The following URB2 variants were observed in gnomAD, a reference collection of about 807,000 sequenced individuals.
URB2 encodes URB2 ribosome biogenesis homolog, also known as unhealthy ribosome biogenesis protein 2 homolog.
In URB2, 86 loss-of-function variants were observed where a neutral mutation model predicts 120.9. The observed-to-expected ratio is 0.71, with a 90% CI of 0.60 to 0.85. The LOEUF (loss-of-function observed/expected upper bound fraction) is 0.85. URB2 is among the 40% of genes least tolerant of loss of function. The pLI, the probability that URB2 is intolerant of heterozygous loss-of-function variation, is 0.00. For missense variants in URB2, 1,765 were observed against 1,836.5 expected (o/e 0.96, Z 0.71); for synonymous variants, 755 against 758.4 (o/e 1.00, Z 0.07).
rs1666066063 is a variant in URB2, at chr1:229,643,644, G to A, written c.3746G>A (p.Cys1249Tyr). Residue 1249 changes from cysteine to tyrosine, a missense_variant, in exon 5 of 10, where the codon TGT becomes TAT. By Grantham distance (194) the Cys-to-Tyr change is radical. Transcript: ENST00000258243. ...GAGGACTTGAGGCTGGTGATGCAGTGTATTCTCCAGGGACTGGATGTCAGT... is the reference window on the plus strand; with the variant it reads ...GAGGACTTGAGGCTGGTGATGCAGTATATTCTCCAGGGACTGGATGTCAGT... Reference protein sequence around the residue: ...TTEDLRLVMQCILQGLDVSNM... With the variant: ...TTEDLRLVMQYILQGLDVSNM... The A allele has an allele frequency of 6.2e-7, 1 of 1,614,088 alleles. No homozygotes were observed. The highest frequency in any genetic ancestry group is 8.5e-7 in the Non-Finnish European group (1 of 1,180,038).
At chr1:229,655,107 ACACT>A (rs1331232188) in intron 9 of URB2, among the ~76,000 whole-genome samples, 2 of 152,228 alleles carry the variant, frequency 1.3e-5, no homozygotes, top group Non-Finnish European at 2.9e-5. Context: ...CTGCTCTCAG[ACACT>A]CAAAGTCGAT....
At chr1:229,639,168 G>A (rs1041677211) in intron 4 of URB2, among the ~76,000 whole-genome samples, 12 of 151,966 alleles carry the variant, frequency 7.9e-5, no homozygotes, top group Admixed American at 3.9e-4. Flanking sequence ...GGTGGCATGC[G>A]TCTGTAGTCC....
chr1:229,652,773 G>A (rs955799089), intron 8 of URB2, among the ~76,000 whole-genome samples: 1 of 152,238 alleles, frequency 6.6e-6, no homozygotes, highest in Non-Finnish European at 1.5e-5. Context: ...GAAGGCCGGG[G>A]CCTTGCTCAG....
chr1:229,657,240 C>T (rs965253407), intron 9 of URB2, among the ~76,000 whole-genome samples: 4 of 152,158 alleles, frequency 2.6e-5, no homozygotes, highest in Admixed American at 2.0e-4. Context: ...GAAATTGACT[C>T]TTTTCTTGTT....
In URB2 at chr1:229,643,659, T is replaced by C. The variant is rs1303197107; in HGVS notation, c.3761T>C (p.Leu1254Pro). 2 of 1,614,046 alleles carry C rather than the reference T, an allele frequency of 1.2e-6. No individual in the cohort carries two copies. The highest frequency in any genetic ancestry group is 2.7e-5 in the African/African-American group (2 of 74,950). The change falls in exon 5 of 10, where the codon CTG (leucine) becomes CCG (proline). Residue 1254 changes from leucine (L) to proline (P), a missense_variant. By Grantham distance (98) the Leu-to-Pro change is moderately conservative. Transcript: ENST00000258243. ...GTGATGCAGTGTATTCTCCAGGGAC[T>C]GGATGTCAGTAACATGTGGAAAGCA... The part of the protein sequence containing the change: ...RLVMQCILQG[L>P]DVSNMWKADV...
chr1:229,636,470 G>A lies in URB2; in HGVS notation c.1857G>A (p.Met619Ile). 6.2e-7 allele frequency: 1 copy of A among 1,614,222 alleles called. No homozygotes were observed. The highest frequency in any genetic ancestry group is 1.1e-5 in the South Asian group (1 of 91,086). The change falls in exon 4 of 10, where the codon ATG (methionine) becomes ATA (isoleucine). Residue 619 changes from methionine to isoleucine, a missense_variant. Transcript: ENST00000258243. ...LSYTWAQVDA[M>I]FSLNCSQYHS... ...ACACTTGGGCCCAGGTGGACGCTAT[G>A]TTCAGTTTGAACTGTAGCCAGTATC...
At chr1:229,629,424 A>T (rs1665608006) in intron 2 of URB2, among the ~76,000 whole-genome samples, 1 of 152,204 alleles carries the variant, frequency 6.6e-6, no homozygotes, top group East Asian at 1.9e-4. Context: ...TATCTCAGAG[A>T]TACTGCAGGT....
Position 229,636,923 on chromosome 1 carries a change from A to T in URB2, c.2310A>T (p.Leu770Phe). The change falls in exon 4 of 10, where the codon TTA (leucine) becomes TTT (phenylalanine). Residue 770 changes from leucine to phenylalanine, a missense_variant. Coordinates refer to ENST00000258243, the MANE Select transcript of URB2 (RefSeq NM_014777.4). ...GYLASVLLRT[L>F]PMGKAQEVSI... is the part of the protein sequence containing the mutation. ...TGGCCAGTGTCCTGCTGAGAACTTT[A>T]CCCATGGGCAAAGCCCAGGAAGTCT... The T allele has an allele frequency of 6.2e-7, 1 of 1,613,050 alleles. No individual in the cohort carries two copies. Among genetic ancestry groups the T allele is most frequent in the Non-Finnish European group, 8.5e-7 (1 of 1,179,466 alleles).
Position 229,636,808 on chromosome 1 carries a change from G to A in URB2, c.2195G>A (p.Gly732Glu). Residue 732 changes from glycine to glutamate, a missense_variant, in exon 4 of 10, where the codon GGA becomes GAA. By Grantham distance (98) the Gly-to-Glu change is moderately conservative. Transcript: ENST00000258243. ...SWDGQVGMVS[G>E]LTYPVAHWHL... ...GATGGCCAAGTTGGGATGGTGAGTG[G>A]ACTCACATACCCTGTAGCACACTGG... 1.9e-6 allele frequency: 3 copies of A among 1,612,654 alleles called. No individual in the cohort carries two copies. The highest frequency in any genetic ancestry group is 2.5e-6 in the Non-Finnish European group (3 of 1,178,906).
In URB2 at chr1:229,637,090, G is replaced by C. The variant is rs1170326233; in HGVS notation, c.2477G>C (p.Gly826Ala). 6.2e-7 allele frequency: 1 copy of C among 1,613,606 alleles called. No individual in the cohort carries two copies. The highest frequency in any genetic ancestry group is 2.2e-5 in the East Asian group (1 of 44,880). ...TTSCSSILCS[G>A]AQRDSGLVSQ... ...AGTTGCTCCAGCATTCTGTGTTCTG[G>C]TGCCCAGCGTGACTCAGGTCTTGTC... The change falls in exon 4 of 10, where the codon GGT becomes GCT. Residue 826 changes from glycine to alanine, a missense_variant. Transcript: ENST00000258243.
At position 229,639,484 on chromosome 1, in the gene URB2, G is replaced by A. The variant is rs993183380; in HGVS notation, c.3634+1237G>A. Among the ~76,000 whole-genome samples, 51 of 151,812 alleles carry A rather than the reference G, an allele frequency of 3.4e-4. 1 individual carries two copies. Among genetic ancestry groups the A allele is most frequent in the Admixed American group, 1.3e-4 (2 of 15,242 alleles). On this transcript the variant is annotated intron_variant, in intron 4 of 9. Coordinates refer to ENST00000258243, the MANE Select transcript of URB2 (RefSeq NM_014777.4). Reference sequence around the variant, plus strand: ...CAAGTAACTGGGACTACTGGCACCCGCCACCACGCCCGGCTAATTTTTTTG... The same window carrying A: ...CAAGTAACTGGGACTACTGGCACCCACCACCACGCCCGGCTAATTTTTTTG...
At position 229,635,117 on chromosome 1, in the gene URB2, G is replaced by A. The variant is rs1484278710; in HGVS notation, c.504G>A (p.Gln168=). 7 of 1,614,076 alleles carry A rather than the reference G, an allele frequency of 4.3e-6. No individual in the cohort carries two copies. The highest frequency in any genetic ancestry group is 5.9e-6 in the Non-Finnish European group (7 of 1,179,982). The change falls in exon 4 of 10, where the codon CAG becomes CAA. Residue 168 remains glutamine (Q), a synonymous_variant. Coordinates refer to ENST00000258243, the MANE Select transcript of URB2 (RefSeq NM_014777.4). ...AGCCCGAAGGAGCTGTGGTAGCCCA[G>A]TTGTTTGAGGTCATTCACCTGGCCC... ...CRQPEGAVVA[Q]LFEVIHLALG...
intron 6 of URB2, 29 bp from the exon 7 acceptor site, chr1:229,647,481 T>G: frequency 5.6e-6 from 9 of 1,600,058 alleles, no homozygotes; most frequent in Non-Finnish European, 7.7e-6. Context: ...ATTACTTTCA[T>G]TTTTCCTTTA....
Position 229,658,885 on chromosome 1 carries a change from C to T in URB2, c.4378-215C>T, listed in dbSNP as rs187957971. Among the ~76,000 whole-genome samples, 549 of 152,290 alleles carry T rather than the reference C, an allele frequency of 3.6e-3. 5 individuals carry two copies. Among genetic ancestry groups the T allele is most frequent in the African/African-American group, 0.013 (522 of 41,550 alleles). On this transcript the variant is annotated intron_variant, in intron 9 of 9. Transcript: ENST00000258243. ...CCAGGTTTGTGTTTGCTTGAGTTAGCTTCTATTTCCCCAAAATACAAACTT... is the reference window on the plus strand; with the variant it reads ...CCAGGTTTGTGTTTGCTTGAGTTAGTTTCTATTTCCCCAAAATACAAACTT...
At chr1:229,653,812 G>A (rs1161243857) in intron 8 of URB2, among the ~76,000 whole-genome samples, 1 of 152,086 alleles carries the variant, frequency 6.6e-6, no homozygotes, top group African/African-American at 2.4e-5. Context: ...AATGTAAGGA[G>A]GCAAAGACAT....
At chr1:229,645,448 C>G (rs1468085437) in intron 5 of URB2, among the ~76,000 whole-genome samples, 3 of 152,084 alleles carry the variant, frequency 2.0e-5, no homozygotes, top group African/African-American at 7.2e-5. Context: ...TTCCTCCAGC[C>G]CCTCCTATCT....
intron 4 of URB2, 78 bp downstream of exon 4, chr1:229,638,325 A>G (rs931199498): frequency 4.1e-6 from 6 of 1,456,658 alleles, no homozygotes; most frequent in Non-Finnish European, 5.5e-6. Flanking sequence ...AACTGGGAAT[A>G]AGTGAACACG....
Position 229,637,890 on chromosome 1 carries a change from C to A in URB2, c.3277C>A (p.Leu1093Met). The A allele has an allele frequency of 6.2e-7, 1 of 1,601,628 alleles. No homozygotes were observed. The highest frequency in any genetic ancestry group is 8.5e-7 in the Non-Finnish European group (1 of 1,174,810). Residue 1093 changes from leucine to methionine, a missense_variant, in exon 4 of 10, where the codon CTG becomes ATG. Leu to Met is a conservative substitution (Grantham distance 15, BLOSUM62 2). Coordinates refer to ENST00000258243, the MANE Select transcript of URB2 (RefSeq NM_014777.4). ...ALSELLQQVV[L>M]QTGAVLQLCS... ...GTCTGAGCTGCTGCAGCAGGTTGTG[C>A]TGCAGACAGGAGCTGTGCTGCAGCT...
At chr1:229,650,669 G>T (rs1392575696) in intron 7 of URB2, among the ~76,000 whole-genome samples, 1 of 152,140 alleles carries the variant, frequency 6.6e-6, no homozygotes, top group Non-Finnish European at 1.5e-5. Context: ...GACCTCAGAT[G>T]ATCCGCCTGC....
Sources: gnomAD v4.1 joint callset for allele counts (sites outside exome capture counted in the v4.1 genomes callset) on GRCh38, gnomAD v4.1.1 for gene constraint, MANE v1.5 for transcripts, NCBI Gene and HGNC (gene_info 2026-07-23, HGNC 2026-07-21) for gene names.